ATG10: variants seen among roughly 807,000 people sequenced by gnomAD.
ATG10 encodes autophagy related 10, also known as ubiquitin-like-conjugating enzyme ATG10.
A neutral mutation model predicts 32.1 loss-of-function variants in ATG10; 30 were observed. The ratio of observed to expected loss-of-function variants is 0.94; its 90% CI spans 0.70 to 1.27. The LOEUF is 1.27. ATG10 is among the 50% of genes most tolerant of loss of function. The pLI, the probability that ATG10 is intolerant of heterozygous loss-of-function variation, is 0.00. For missense variants in ATG10, 233 were observed against 262.3 expected (o/e 0.89, Z 0.77); for synonymous variants, 87 against 91.5 (o/e 0.95, Z 0.28).
At chr5:82,203,941 AG>A (rs1430723941) in intron 5 of ATG10, among the ~76,000 whole-genome samples, 11 of 152,224 alleles carry the variant, frequency 7.2e-5, no homozygotes, top group Admixed American at 1.3e-4. Flanking sequence ...AGCACCTATG[AG>A]GTACTCAATA....
intron 5 of ATG10, among the ~76,000 whole-genome samples, chr5:82,250,779 G>A (rs1394642488): frequency 6.6e-6 from 1 of 152,194 alleles, no homozygotes; most frequent in African/African-American, 2.4e-5. Flanking sequence ...AGATGCAGTG[G>A]TCTCTATAAC....
In ATG10 at chr5:82,068,867, A is replaced by G. The variant is rs182334737; in HGVS notation, c.216+10265A>G. ...GGAAGATATGTTGACTTTATAATCG[A>G]ATCTAAAATAAATGAAAGTGAAACC... On this transcript the variant is annotated intron_variant, in intron 3 of 7. Transcript: ENST00000282185. Among the ~76,000 whole-genome samples, 598 of 150,778 alleles carry G rather than the reference A, an allele frequency of 4.0e-3. 3 individuals are homozygous for G. Among genetic ancestry groups the G allele is most frequent in the Non-Finnish European group, 5.7e-3 (389 of 67,690 alleles).
chr5:82,015,443 C>T (rs1232417813), intron 2 of ATG10, among the ~76,000 whole-genome samples: 1 of 152,220 alleles, frequency 6.6e-6, no homozygotes, highest in Non-Finnish European at 1.5e-5. Flanking sequence ...GTTCCATTCT[C>T]CCCGTCACTT....
chr5:82,139,626 TGAG>T, intron 3 of ATG10, among the ~76,000 whole-genome samples: 1 of 127,964 alleles, frequency 7.8e-6, no homozygotes, highest in East Asian at 2.4e-4. Context: ...ATCTGGGAAG[TGAG>T]GAGCGTCTCC....
At chr5:82,153,925 T>C (rs1767708401) in intron 3 of ATG10, among the ~76,000 whole-genome samples, 1 of 150,974 alleles carries the variant, frequency 6.6e-6, no homozygotes, top group Non-Finnish European at 1.5e-5. Context: ...TTTTTTTTTT[T>C]TCTCTTTAGA....
chr5:82,199,936 G>A (rs919576626), intron 5 of ATG10, among the ~76,000 whole-genome samples: 1 of 152,050 alleles, frequency 6.6e-6, no homozygotes, highest in Non-Finnish European at 1.5e-5. Context: ...TATATTTGAG[G>A]TTCATTTATG....
chr5:81,993,328 C>T (rs60716774), intron 2 of ATG10, among the ~76,000 whole-genome samples: 2,420 of 61,004 alleles, frequency 0.04, 113 homozygotes, highest in East Asian at 0.098. Context: ...TCTTTCTTTC[C>T]TTCCTTCCTT....
At chr5:82,203,928 T>C (rs1367897531) in intron 5 of ATG10, among the ~76,000 whole-genome samples, 1 of 152,214 alleles carries the variant, frequency 6.6e-6, no homozygotes, top group Non-Finnish European at 1.5e-5. Context: ...ATAATATTCA[T>C]TGAGCACCTA....
rs1193854439 is a variant in ATG10, at chr5:82,012,994, GC to G, written c.108+25319del. 3.4e-4 allele frequency among the ~76,000 whole-genome samples: 48 copies of G among 141,506 alleles called. 1 individual carries two copies. The highest frequency in any genetic ancestry group is 1.4e-4 in the Non-Finnish European group (9 of 66,074). 92.8% of individuals were successfully genotyped at this position (141,506 alleles called of 152,430 possible). On this transcript the variant is annotated intron_variant, in intron 2 of 7. Transcript: ENST00000282185. ...TTTTTTTTTTTTGAGATGGAGTCTC[GC>G]CCTGTTGCCAGGCTGGAGTGCAGTG...
intron 5 of ATG10, among the ~76,000 whole-genome samples, chr5:82,226,213 C>T (rs181217876): frequency 3.5e-4 from 54 of 152,184 alleles, no homozygotes; most frequent in African/African-American, 1.1e-3. Context: ...TTTTAATTAC[C>T]ACAGTTATAA....
chr5:82,154,207 T>C (rs1767723465), intron 3 of ATG10, among the ~76,000 whole-genome samples: 3 of 152,216 alleles, frequency 2.0e-5, no homozygotes, highest in African/African-American at 7.2e-5. Context: ...TGATGCACTA[T>C]TGGAACAAAC....
At chr5:82,116,793 G>C (rs1258037454) in intron 3 of ATG10, among the ~76,000 whole-genome samples, 1 of 152,120 alleles carries the variant, frequency 6.6e-6, no homozygotes, top group East Asian at 1.9e-4. Context: ...GAGAATGAAG[G>C]TGTGATATGG....
intron 3 of ATG10, among the ~76,000 whole-genome samples, chr5:82,083,662 T>C (rs1764565316): frequency 3.3e-5 from 5 of 152,182 alleles, no homozygotes. Flanking sequence ...CAGCAACGTC[T>C]GCCGTTCTGC....
intron 5 of ATG10, among the ~76,000 whole-genome samples, chr5:82,248,464 G>T (rs955138342): frequency 6.6e-6 from 1 of 152,212 alleles, no homozygotes; most frequent in East Asian, 1.9e-4. Flanking sequence ...TGGGGAAGAG[G>T]AGGAGGGGAT....
chr5:82,150,426 G>A (rs567824976), intron 3 of ATG10, among the ~76,000 whole-genome samples: 7 of 152,208 alleles, frequency 4.6e-5, no homozygotes, highest in Admixed American at 3.9e-4. Context: ...GCCATTATAA[G>A]TAACCAGGAA....
At chr5:82,064,926 G>C (rs1488670070) in intron 3 of ATG10, among the ~76,000 whole-genome samples, 1 of 152,168 alleles carries the variant, frequency 6.6e-6, no homozygotes, top group South Asian at 2.1e-4. Context: ...TTTATTATGA[G>C]GAAACTGAGA....
intron 3 of ATG10, among the ~76,000 whole-genome samples, chr5:82,090,271 GAGAAATTAAAACTT>G (rs1480732011): frequency 6.6e-6 from 1 of 151,836 alleles, no homozygotes; most frequent in African/African-American, 2.4e-5. Context: ...ATCTATCCCC[GAGAAATTAAAACTT>G]ATGTTCACTC....
intron 5 of ATG10, among the ~76,000 whole-genome samples, chr5:82,198,362 C>T (rs572299202): frequency 6.6e-6 from 1 of 152,304 alleles, no homozygotes; most frequent in South Asian, 2.1e-4. Context: ...TCAACTAATT[C>T]TTGTGCCTCC....
chr5:82,171,391 GA>G (rs1219272833), intron 4 of ATG10, among the ~76,000 whole-genome samples: 3 of 152,120 alleles, frequency 2.0e-5, no homozygotes, highest in African/African-American at 7.2e-5. Context: ...ATTTTAAGCT[GA>G]TAATTTTGAA....
Sources: allele counts gnomAD v4.1 joint callset (sites outside exome capture counted in the v4.1 genomes callset), GRCh38; gene constraint gnomAD v4.1.1; transcripts MANE v1.5; gene names NCBI Gene and HGNC (gene_info 2026-07-23, HGNC 2026-07-21).